The following GRM1 variants were observed in gnomAD, a reference collection of about 807,000 sequenced individuals.
The protein encoded by GRM1 is metabotropic glutamate receptor 1.
GRM1 carries 33 observed loss-of-function variants against 90.9 expected under a neutral mutation model. That is an observed-to-expected ratio of 0.36 (90% confidence interval 0.28 to 0.49). The LOEUF (loss-of-function observed/expected upper bound fraction) is 0.49. Among genes scored for constraint, GRM1 ranks in the 20% least tolerant of loss-of-function variants. GRM1 has a pLI of 0.99. For synonymous variants in GRM1, 700 were observed against 613.2 expected, an observed-to-expected ratio of 1.14 and a Z score of -2.09; for missense variants, 1,190 against 1,534.3, an observed-to-expected ratio of 0.78 and a Z score of 3.75.
chr6:146,097,628 C>T (rs944798307), intron 1 of GRM1, among the ~76,000 whole-genome samples: 12 of 152,124 alleles, frequency 7.9e-5, no homozygotes, highest in African/African-American at 1.9e-4. Flanking sequence ...CCAGTATCTT[C>T]CCCCCCTACA....
At chr6:146,251,091 A>G (rs1438680677) in intron 2 of GRM1, among the ~76,000 whole-genome samples, 5 of 152,226 alleles carry the variant, frequency 3.3e-5, no homozygotes, top group South Asian at 2.1e-4. Context: ...TTGGAAGAAT[A>G]TACAATAAGC....
intron 1 of GRM1, among the ~76,000 whole-genome samples, chr6:146,044,142 A>C (rs1051554850): frequency 1.4e-4 from 22 of 151,862 alleles, no homozygotes; most frequent in African/African-American, 4.6e-4. Flanking sequence ...CCTTTTTGAC[A>C]GGGCATATGT....
At chr6:146,319,355 G>A (rs1446456329) in intron 3 of GRM1, among the ~76,000 whole-genome samples, 4 of 152,166 alleles carry the variant, frequency 2.6e-5, no homozygotes, top group African/African-American at 9.7e-5. Flanking sequence ...AGTACCTGCT[G>A]TTTTGGGTAC....
Position 146,434,813 on chromosome 6 carries a change from T to C in GRM1, c.*17T>C, listed in dbSNP as rs1011823199. 1.9e-6 allele frequency: 3 copies of C among 1,589,056 alleles called. No homozygotes were observed. In the African/African-American group the frequency reaches 4.0e-5, roughly 21 times the overall value. On this transcript the variant is annotated 3_prime_UTR_variant, in exon 8 of 8. Transcript: ENST00000282753. ...ACCCTGTAAGGGGGAAGGGTCCACA[T>C]AGAAAAGCAAGACAAGCCAGAGATC...
At chr6:146,390,289 T>A (rs1232503881) in intron 6 of GRM1, among the ~76,000 whole-genome samples, 2 of 152,086 alleles carry the variant, frequency 1.3e-5, no homozygotes, top group Non-Finnish European at 2.9e-5. Flanking sequence ...CATTAAAATG[T>A]GGTTTTTTTT....
At chr6:146,384,863 A>G (rs974656485) in intron 5 of GRM1, among the ~76,000 whole-genome samples, 1 of 152,128 alleles carries the variant, frequency 6.6e-6, no homozygotes, top group African/African-American at 2.4e-5. Context: ...AAAACATTTT[A>G]ATGGATTGGA....
At chr6:146,170,983 AT>A (rs548202767) in intron 2 of GRM1, among the ~76,000 whole-genome samples, 2 of 151,878 alleles carry the variant, frequency 1.3e-5, no homozygotes, top group African/African-American at 4.8e-5. Context: ...ATTGAAGTCT[AT>A]TTTTTTGCAG....
chr6:146,257,516 G>A (rs913586603), intron 2 of GRM1, among the ~76,000 whole-genome samples: 7 of 149,528 alleles, frequency 4.7e-5, no homozygotes, highest in Non-Finnish European at 1.0e-4. Flanking sequence ...TAATATGTGT[G>A]TATATATATA....
chr6:146,140,065 CTCT>C (rs1196938318), intron 1 of GRM1, among the ~76,000 whole-genome samples: 3 of 136,546 alleles, frequency 2.2e-5, no homozygotes, highest in African/African-American at 8.0e-5. Flanking sequence ...CTTTCCTCTC[CTCT>C]TCTTTTCTCC....
At chr6:146,189,013 G>A (rs1778841837) in intron 2 of GRM1, among the ~76,000 whole-genome samples, 1 of 152,182 alleles carries the variant, frequency 6.6e-6, no homozygotes, top group African/African-American at 2.4e-5. Flanking sequence ...TCCTTAAAGA[G>A]TCCATAACGT....
At chr6:146,241,724 A>T (rs1191065281) in intron 2 of GRM1, among the ~76,000 whole-genome samples, 1 of 152,022 alleles carries the variant, frequency 6.6e-6, no homozygotes, top group Non-Finnish European at 1.5e-5. Flanking sequence ...TTATTCTTTT[A>T]TGTTATATTT....
At chr6:146,296,443 T>C (rs1361904561) in intron 2 of GRM1, among the ~76,000 whole-genome samples, 1 of 152,220 alleles carries the variant, frequency 6.6e-6, no homozygotes, top group Non-Finnish European at 1.5e-5. Context: ...AAATCTATTC[T>C]TTTAGCAATT....
chr6:146,228,989 A>AT (rs1308019374), intron 2 of GRM1, among the ~76,000 whole-genome samples: 1 of 152,038 alleles, frequency 6.6e-6, no homozygotes, highest in Non-Finnish European at 1.5e-5. Context: ...GGTAAAAGAG[A>AT]TTTTTAGTAT....
chr6:146,263,808 G>T (rs1434893398), intron 2 of GRM1, among the ~76,000 whole-genome samples: 1 of 151,918 alleles, frequency 6.6e-6, no homozygotes, highest in Non-Finnish European at 1.5e-5. Context: ...TTTATAGTTG[G>T]ATCTTTAATT....
At chr6:146,339,885 G>A (rs1784909062) in intron 3 of GRM1, among the ~76,000 whole-genome samples, 1 of 152,148 alleles carries the variant, frequency 6.6e-6, no homozygotes, top group Non-Finnish European at 1.5e-5. Flanking sequence ...ATTCCACTGT[G>A]GGAAGCCAGG....
At chr6:146,186,142 T>C (rs1778724470) in intron 2 of GRM1, among the ~76,000 whole-genome samples, 1 of 150,180 alleles carries the variant, frequency 6.7e-6, no homozygotes, top group Admixed American at 6.6e-5. Flanking sequence ...TATTTATTAT[T>C]ATTATTATGT....
At chr6:146,276,030 C>T (rs1378198109) in intron 2 of GRM1, among the ~76,000 whole-genome samples, 1 of 151,924 alleles carries the variant, frequency 6.6e-6, no homozygotes, top group Non-Finnish European at 1.5e-5. Flanking sequence ...AGGGTAAAAT[C>T]ATTAATGTTA....
intron 5 of GRM1, among the ~76,000 whole-genome samples, chr6:146,367,854 T>C (rs1391044496): frequency 6.6e-6 from 1 of 152,150 alleles, no homozygotes; most frequent in Non-Finnish European, 1.5e-5. Flanking sequence ...TTTTTGCTGT[T>C]GTGAATAGTG....
chr6:146,176,203 A>T (rs1562510368), intron 2 of GRM1, among the ~76,000 whole-genome samples: 1 of 152,062 alleles, frequency 6.6e-6, no homozygotes, highest in Non-Finnish European at 1.5e-5. Context: ...AATTGTGATT[A>T]TTCAACAATA....
Sources: allele counts gnomAD v4.1 joint callset (sites outside exome capture counted in the v4.1 genomes callset), GRCh38; gene constraint gnomAD v4.1.1; transcripts MANE v1.5; gene names NCBI Gene and HGNC (gene_info 2026-07-23, HGNC 2026-07-21).